Variants in GRAMD4 observed in about 807,000 individuals in gnomAD.
The protein encoded by GRAMD4 is GRAM domain containing 4, also known as GRAM domain-containing protein 4.
In GRAMD4, 25 loss-of-function variants were observed where a neutral mutation model predicts 83.9. That is an observed-to-expected ratio of 0.30 (90% CI 0.22 to 0.42). The LOEUF (loss-of-function observed/expected upper bound fraction) is 0.42. Ranked by LOEUF, GRAMD4 falls within the 10% of genes least tolerant of loss-of-function variation. The pLI, the probability that GRAMD4 is intolerant of heterozygous loss-of-function variation, is 1.00. For synonymous variants in GRAMD4, 336 were observed against 320.9 expected, an observed-to-expected ratio of 1.05 and a Z score of -0.50; for missense variants, 593 against 788.7, an observed-to-expected ratio of 0.75 and a Z score of 2.97.
At chr22:46,644,718 TTTTTTTTTTTTTTTTTACTTTG>T (rs2082046059) in intron 3 of GRAMD4, among the ~76,000 whole-genome samples, 1 of 131,576 alleles carries the variant, frequency 7.6e-6, no homozygotes, top group Admixed American at 7.9e-5. Context: ...TTTTTTTTTT[TTTTTTTTTTTTTTTTTACTTTG>T]TTTTGTTTTT....
At chr22:46,645,525 C>T (rs2082060907) in intron 3 of GRAMD4, among the ~76,000 whole-genome samples, 2 of 152,166 alleles carry the variant, frequency 1.3e-5, no homozygotes. Flanking sequence ...GCCTCAGCTC[C>T]CCCACCTGTA....
chr22:46,588,001 CG>C (rs1222166970), intron 1 of GRAMD4: 3 of 949,732 alleles, frequency 3.2e-6, no homozygotes, highest in African/African-American at 1.8e-5. Flanking sequence ...GGGGCACAGG[CG>C]GGGAGGGAGT....
upstream of GRAMD4, among the ~76,000 whole-genome samples, chr22:46,617,160 G>A (rs1415210976): frequency 5.4e-4 from 80 of 148,286 alleles, no homozygotes; most frequent in African/African-American, 1.9e-3. Context: ...AGGTTCCCCC[G>A]TGTGTAGGTT....
chr22:46,585,544 T>C (rs1282165044), intron 1 of GRAMD4, among the ~76,000 whole-genome samples: 1 of 152,224 alleles, frequency 6.6e-6, no homozygotes, highest in Non-Finnish European at 1.5e-5. Context: ...CCAGGAAGCC[T>C]CCGGTCACAG....
intron 3 of GRAMD4, among the ~76,000 whole-genome samples, chr22:46,644,463 C>T (rs992681458): frequency 1.3e-5 from 2 of 152,022 alleles, no homozygotes; most frequent in Non-Finnish European, 2.9e-5. Context: ...TTCCATGTTA[C>T]ACCTGTCCCC....
chr22:46,604,379 A>G (rs1281894699), intron 1 of GRAMD4, among the ~76,000 whole-genome samples: 5 of 152,222 alleles, frequency 3.3e-5, no homozygotes, highest in Non-Finnish European at 7.3e-5. Flanking sequence ...CTCTCTCTGT[A>G]TAAATTGTGG....
intron 1 of GRAMD4, among the ~76,000 whole-genome samples, chr22:46,624,649 T>C (rs1445550262): frequency 2.6e-5 from 4 of 152,000 alleles, no homozygotes; most frequent in Non-Finnish European, 4.4e-5. Context: ...TTAAGGTTTG[T>C]GTGTTTTTAA....
intron 1 of GRAMD4, among the ~76,000 whole-genome samples, chr22:46,584,480 C>T (rs2081128747): frequency 6.6e-6 from 1 of 152,158 alleles, no homozygotes; most frequent in Non-Finnish European, 1.5e-5. Context: ...TTCTCGTCTC[C>T]TTTCTTGCAG....
intron 1 of GRAMD4, among the ~76,000 whole-genome samples, chr22:46,623,267 A>G (rs2081603861): frequency 1.3e-5 from 2 of 152,006 alleles, no homozygotes; most frequent in African/African-American, 4.8e-5. Flanking sequence ...CCAGGCCTCC[A>G]CTTCTTGAGC....
exon 1 of GRAMD4, chr22:46,577,230 GC>G: frequency 1.0e-6 from 1 of 964,232 alleles, no homozygotes; most frequent in Non-Finnish European, 1.2e-6. Context: ...GCGCGGCCGG[GC>G]GGCCGGCGAG....
chr22:46,658,432 C>A (rs2082277725), intron 4 of GRAMD4, 125 bp downstream of exon 4: 2 of 988,762 alleles, frequency 2.0e-6, no homozygotes, highest in Non-Finnish European at 2.9e-6. Flanking sequence ...CTGGAGAGGC[C>A]TGAGTGTGAG....
At chr22:46,674,247 G>A (rs1164906215) in intron 15 of GRAMD4, among the ~76,000 whole-genome samples, 1 of 152,220 alleles carries the variant, frequency 6.6e-6, no homozygotes, top group East Asian at 1.9e-4. Flanking sequence ...ACTAAACCGG[G>A]CAGCTCGAGG....
chr22:46,603,249 C>T (rs1266070838), intron 1 of GRAMD4, among the ~76,000 whole-genome samples: 3 of 139,180 alleles, frequency 2.2e-5, no homozygotes, highest in Admixed American at 7.3e-5. Context: ...GCTGTGTTGC[C>T]CAGGCTGGAT....
rs67241528 is a variant in GRAMD4, at chr22:46,650,308, AGTGTCGAGGCTGGGTGGAGGGCTGC to A, written c.284-7829_284-7805del. 5.5e-3 allele frequency among the ~76,000 whole-genome samples: 719 copies of A among 131,512 alleles called. 5 individuals carry two copies. Among genetic ancestry groups the A allele is most frequent in the African/African-American group, 0.018 (576 of 31,564 alleles). 86.3% of individuals were successfully genotyped at this position (131,512 alleles called of 152,430 possible). A position where few individuals can be genotyped will look rare whatever the true frequency, so the allele number is the denominator to read the frequency against. On this transcript the variant is annotated intron_variant, in intron 3 of 18. Transcript: ENST00000406902. ...CTCCCAGTAACTTCCCTGTGCGCTGAGTGTCGAGGCTGGGTGGAGGGCTGCGTGTCGAGGCTGGGTGGAGGGCTGC... is the reference window on the plus strand; with the variant it reads ...CTCCCAGTAACTTCCCTGTGCGCTGAGTGTCGAGGCTGGGTGGAGGGCTGC...
chr22:46,579,890 T>C (rs1602282753), intron 1 of GRAMD4, among the ~76,000 whole-genome samples: 1 of 152,086 alleles, frequency 6.6e-6, no homozygotes, highest in East Asian at 1.9e-4. Flanking sequence ...GTCTCCTGCC[T>C]AGTGGCCATG....
chr22:46,680,024 C>CA (rs1218699999), downstream of GRAMD4, among the ~76,000 whole-genome samples: 4 of 152,216 alleles, frequency 2.6e-5, no homozygotes, highest in Non-Finnish European at 2.9e-5. Flanking sequence ...GAGCAGGGGG[C>CA]AGGGCCTGAG....
At chr22:46,636,258 C>A (rs563686304) in intron 2 of GRAMD4, among the ~76,000 whole-genome samples, 1 of 152,204 alleles carries the variant, frequency 6.6e-6, no homozygotes, top group Non-Finnish European at 1.5e-5. Flanking sequence ...ACCTGGGCTC[C>A]GCTGGCCTCC....
rs2082357418 is a variant in GRAMD4 at position 46,663,278 on chromosome 22, T to G, written c.599+106T>G. The G allele has an allele frequency of 2.0e-5, 22 of 1,111,830 alleles. No individual in the cohort carries two copies. In the South Asian group the frequency reaches 2.9e-4, roughly 14 times the overall value. The allele number at this position is 1,111,830 out of a possible 1,614,324, so 68.9% of individuals were successfully genotyped here. The stretch of plus-strand genomic sequence containing the variant: ...TTTATCACCGTGGGCCAAAGCTGTC[T>G]GTGAGGCTGCCGAGAGCTCCTGGAG... On this transcript the variant is annotated intron_variant, in intron 6 of 18. Transcript: ENST00000406902.
chr22:46,631,102 T>C (rs1440222400), intron 2 of GRAMD4, among the ~76,000 whole-genome samples: 1 of 152,268 alleles, frequency 6.6e-6, no homozygotes, highest in Non-Finnish European at 1.5e-5. Context: ...TGCAGGAAGT[T>C]GGTCATCTTT....
Sources: gnomAD v4.1 joint callset for allele counts (sites outside exome capture counted in the v4.1 genomes callset) on GRCh38, gnomAD v4.1.1 for gene constraint, MANE v1.5 for transcripts, NCBI Gene and HGNC (gene_info 2026-07-23, HGNC 2026-07-21) for gene names.